Variants in DYNLL1 observed in about 807,000 individuals in gnomAD.
DYNLL1 encodes dynein light chain LC8-type 1.
In DYNLL1, 3 loss-of-function variants were observed where a neutral mutation model predicts 10.1. That is an observed-to-expected ratio of 0.30 (90% CI 0.14 to 0.77). The LOEUF (loss-of-function observed/expected upper bound fraction) is 0.77, where lower values mean the gene tolerates loss of function less well. Ranked by LOEUF, DYNLL1 falls within the 30% of genes least tolerant of loss-of-function variation. The probability of loss-of-function intolerance (pLI) is 0.66; values close to 1 mark genes in which losing one functional copy is unlikely to be tolerated. For synonymous variants in DYNLL1, 46 were observed against 41.2 expected, an observed-to-expected ratio of 1.12 and a Z score of -0.45; for missense variants, 47 against 111.7, an observed-to-expected ratio of 0.42 and a Z score of 2.61.
intron 1 of DYNLL1, among the ~76,000 whole-genome samples, chr12:120,479,449 CA>C (rs71076617): frequency 7.5e-4 from 57 of 76,082 alleles, no homozygotes; most frequent in African/African-American, 2.4e-3. Flanking sequence ...ACTCCGTCTC[CA>C]AAAAAAAAAA....
intron 1 of DYNLL1, chr12:120,488,253 A>C (rs1386481613): frequency 6.6e-6 from 1 of 152,346 alleles, no homozygotes; most frequent in Non-Finnish European, 1.5e-5. Flanking sequence ...GAGCCAAGTC[A>C]GCCAGCCTCC....
At chr12:120,493,312 C>T (rs562732864), upstream of DYNLL1, among the ~76,000 whole-genome samples, 2 of 151,982 alleles carry the variant, frequency 1.3e-5, no homozygotes, top group South Asian at 2.1e-4. Context: ...CCAAGGCAGG[C>T]GGATCACTTG....
chr12:120,489,959 G>A (rs1430594325), intron 1 of DYNLL1, among the ~76,000 whole-genome samples: 1 of 152,194 alleles, frequency 6.6e-6, no homozygotes, highest in Non-Finnish European at 1.5e-5. Flanking sequence ...TGTTGCCCAG[G>A]CTGGTCCCGA....
upstream of DYNLL1, among the ~76,000 whole-genome samples, chr12:120,493,433 G>A (rs968963501): frequency 2.0e-5 from 3 of 151,824 alleles, no homozygotes; most frequent in African/African-American, 7.2e-5. Flanking sequence ...CTACTCAGGA[G>A]GCCAAGGCAG....
intron 1 of DYNLL1, among the ~76,000 whole-genome samples, chr12:120,478,838 C>G (rs1245803972): frequency 1.3e-5 from 2 of 149,964 alleles, no homozygotes; most frequent in Non-Finnish European, 3.0e-5. Context: ...GCGCCCGCCA[C>G]CACGCCCAGC....
chr12:120,479,449 C>CAAAA (rs71076617), intron 1 of DYNLL1, among the ~76,000 whole-genome samples: 135 of 75,992 alleles, frequency 1.8e-3, no homozygotes, highest in African/African-American at 4.5e-3. Context: ...ACTCCGTCTC[C>CAAAA]AAAAAAAAAA....
chr12:120,474,929 A>G (rs1878723004), intron 1 of DYNLL1, among the ~76,000 whole-genome samples: 1 of 152,216 alleles, frequency 6.6e-6, no homozygotes, highest in African/African-American at 2.4e-5. Flanking sequence ...GAGTAAAATA[A>G]AACATATTCT....
At chr12:120,496,601 C>G (rs766701426) in intron 2 of DYNLL1, 48 bp downstream of exon 2, 3 of 1,613,756 alleles carry the variant, frequency 1.9e-6, no homozygotes, top group Non-Finnish European at 2.5e-6. Flanking sequence ...CAGGGGGTTC[C>G]TTCCCCCCGA....
intron 1 of DYNLL1, among the ~76,000 whole-genome samples, chr12:120,485,072 C>G (rs1312573268): frequency 1.3e-5 from 2 of 151,832 alleles, no homozygotes; most frequent in Admixed American, 6.6e-5. Flanking sequence ...TAAAATTGGG[C>G]TGGGTGCAGT....
chr12:120,471,959 A>T (rs1878661159), intron 1 of DYNLL1, among the ~76,000 whole-genome samples: 4 of 152,202 alleles, frequency 2.6e-5, no homozygotes, highest in Non-Finnish European at 5.9e-5. Context: ...TTCTCATAAT[A>T]AATTACATGT....
In DYNLL1 at chr12:120,488,445, C is replaced by T. The variant is rs530256287; in HGVS notation, c.-6-7971C>T. 3.9e-5 allele frequency: 6 copies of T among 152,372 alleles called. No individual in the cohort carries two copies. The East Asian group carries it at 7.7e-4, about 20-fold the overall frequency. 9.4% of individuals were successfully genotyped at this position (152,372 alleles called of 1,614,324 possible). On this transcript the variant is annotated intron_variant, in intron 1 of 2. Coordinates refer to the DYNLL1 transcript ENST00000392509. ...AGCTCTCACACCAGCCTATCTTTCT[C>T]CTCCACTGCATTTGTCACATCCTGT...
At chr12:120,481,456 C>G (rs1301343027) in intron 1 of DYNLL1, among the ~76,000 whole-genome samples, 2 of 152,152 alleles carry the variant, frequency 1.3e-5, no homozygotes, top group African/African-American at 4.8e-5. Context: ...CCCACTCACC[C>G]CCTTCAGGTT....
intron 1 of DYNLL1, among the ~76,000 whole-genome samples, chr12:120,482,079 G>A (rs1446172926): frequency 4.6e-5 from 7 of 152,270 alleles, no homozygotes; most frequent in Non-Finnish European, 1.0e-4. Flanking sequence ...CCTGAGGGTA[G>A]ATAAAAAGTT....
intron 1 of DYNLL1, among the ~76,000 whole-genome samples, chr12:120,487,817 C>T (rs536789475): frequency 1.1e-4 from 16 of 152,308 alleles, no homozygotes; most frequent in African/African-American, 3.9e-4. Context: ...TAACTCAGGC[C>T]AGCTCAGAGG....
chr12:120,496,146 C>G lies in DYNLL1; in HGVS notation c.-77C>G, dbSNP rs552461487. 11 of 544,844 alleles carry G rather than the reference C, an allele frequency of 2.0e-5. No individual in the cohort carries two copies. Among genetic ancestry groups the G allele is most frequent in the Admixed American group, 6.7e-5 (2 of 29,858 alleles). The allele number at this position is 544,844 out of a possible 1,614,324, so 33.8% of individuals were successfully genotyped here. On this transcript the variant is annotated 5_prime_UTR_variant, in exon 1 of 3. Coordinates refer to ENST00000242577, the MANE Select transcript of DYNLL1 (RefSeq NM_003746.3). Reference sequence around the variant, plus strand: ...CACGGTTTCGGTAGCGACGGTATCTCTAGCCGGGCCTGAGCTGTGCTAGCA... The same window carrying G: ...CACGGTTTCGGTAGCGACGGTATCTGTAGCCGGGCCTGAGCTGTGCTAGCA...
At chr12:120,493,188 T>C (rs1381066989), upstream of DYNLL1, among the ~76,000 whole-genome samples, 3 of 152,230 alleles carry the variant, frequency 2.0e-5, no homozygotes, top group Non-Finnish European at 2.9e-5. Context: ...CTTCTATTTA[T>C]GGCCAATGAG....
At position 120,479,844 on chromosome 12, in the gene DYNLL1, T is replaced by C. The variant is rs560845018; in HGVS notation, c.-7+9740T>C. On this transcript the variant is annotated intron_variant, in intron 1 of 2. Transcript: ENST00000392509. Reference sequence around the variant, plus strand: ...AGCTACTTACAGTGAGATGCCCTAATGTAAATCAGAGCCTGGCTGGGTTAG... The same window carrying C: ...AGCTACTTACAGTGAGATGCCCTAACGTAAATCAGAGCCTGGCTGGGTTAG... Among the ~76,000 whole-genome samples, 228 of 152,326 alleles carry C rather than the reference T, an allele frequency of 1.5e-3. 1 individual carries two copies. The highest frequency in any genetic ancestry group is 2.5e-3 in the Non-Finnish European group (167 of 68,022).
At chr12:120,471,180 A>G (rs993116632) in intron 1 of DYNLL1, among the ~76,000 whole-genome samples, 1 of 151,280 alleles carries the variant, frequency 6.6e-6, no homozygotes, top group South Asian at 2.1e-4. Flanking sequence ...CCTGGCCAAC[A>G]TGGCAAGACC....
In DYNLL1 at chr12:120,471,576, T is replaced by C. The variant is rs1280511838; in HGVS notation, c.-7+1472T>C. Among the ~76,000 whole-genome samples the C allele has an allele frequency of 2.0e-5, 3 of 152,026 alleles. 1 individual carries two copies. The highest frequency in any genetic ancestry group is 2.0e-4 in the Admixed American group (3 of 15,262). On this transcript the variant is annotated intron_variant, in intron 1 of 2. Transcript: ENST00000392509. ...ATACATCAGGCTTTCATAATATACA[T>C]ATACCCTTCGATCTTGTAATTCTGC...
Sources: gnomAD v4.1 joint callset for allele counts (sites outside exome capture counted in the v4.1 genomes callset) on GRCh38, gnomAD v4.1.1 for gene constraint, MANE v1.5 for transcripts, NCBI Gene and HGNC (gene_info 2026-07-23, HGNC 2026-07-21) for gene names.